UBN2: variants seen among roughly 807,000 people sequenced by gnomAD.
UBN2 encodes the protein ubinuclein-2.
In UBN2, 35 loss-of-function variants were observed where a neutral mutation model predicts 120.2. The ratio of observed to expected loss-of-function variants is 0.29; its 90% confidence interval spans 0.22 to 0.39. UBN2 has a LOEUF of 0.39. Ranked by LOEUF, UBN2 falls within the 10% of genes least tolerant of loss-of-function variation. UBN2 has a pLI of 1.00. For missense variants in UBN2, 1,693 were observed against 1,663.2 expected (o/e 1.02, Z -0.31); for synonymous variants, 661 against 648.7 (o/e 1.02, Z -0.29).
intron 8 of UBN2, 88 bp from the exon 9 acceptor site, chr7:139,272,220 CTATAATTGGTATCT>C (rs2131008893): frequency 1.3e-6 from 1 of 765,774 alleles, no homozygotes; most frequent in African/African-American, 1.8e-5. Context: ...TATTTCAAAT[CTATAATTGGTATCT>C]AAAACATAAA....
At chr7:139,296,567 A>G (rs912209166) in intron 17 of UBN2, among the ~76,000 whole-genome samples, 1 of 151,816 alleles carries the variant, frequency 6.6e-6, no homozygotes, top group Non-Finnish European at 1.5e-5. Context: ...CCTGTTGGAG[A>G]CTTTCTCCAT....
At chr7:139,266,312 T>C (rs377121006) in intron 6 of UBN2, 21 bp from the exon 7 acceptor site, 13 of 1,505,540 alleles carry the variant, frequency 8.6e-6, no homozygotes, top group South Asian at 8.3e-5. Context: ...TGATTTATTA[T>C]CATCTTTCTT....
downstream of UBN2, among the ~76,000 whole-genome samples, chr7:139,312,213 G>T (rs973413292): frequency 1.3e-5 from 2 of 152,102 alleles, no homozygotes; most frequent in African/African-American, 2.4e-5. Context: ...TAACTTTTTT[G>T]ATATGTGCCC....
At chr7:139,242,262 G>C (rs1189864031) in intron 2 of UBN2, among the ~76,000 whole-genome samples, 1 of 152,144 alleles carries the variant, frequency 6.6e-6, no homozygotes, top group East Asian at 1.9e-4. Flanking sequence ...TCTGGGAGTT[G>C]TAAGAATCAT....
rs761568122 is a variant in UBN2, at chr7:139,283,671, G to A, written c.2766G>A (p.Ser922=). 6.2e-6 allele frequency: 10 copies of A among 1,613,928 alleles called. No homozygotes were observed. Among genetic ancestry groups the A allele is most frequent in the African/African-American group, 2.7e-5 (2 of 74,882 alleles). ...CATCCGAGGCCCAAGATGCTTCTTC[G>A]TTAACACAAGTAACAAAGGTGCACC... The part of the protein sequence containing the change: ...LGTSEAQDAS[S]LTQVTKVHQH... Residue 922 remains serine (S), a synonymous_variant, in exon 15 of 18, where the codon TCG becomes TCA. Coordinates refer to ENST00000473989, the MANE Select transcript of UBN2 (RefSeq NM_173569.4).
the UBN2 span, among the ~76,000 whole-genome samples, chr7:139,324,432 T>G: frequency 6.6e-6 from 1 of 151,412 alleles, no homozygotes; most frequent in Non-Finnish European, 1.5e-5. Flanking sequence ...GGCAGGCCCC[T>G]GTAGTCCCAG....
At chr7:139,293,787 G>A (rs1798032286) in intron 16 of UBN2, 102 bp from the exon 17 acceptor site, 1 of 1,086,170 alleles carries the variant, frequency 9.2e-7, no homozygotes, top group Non-Finnish European at 1.4e-6. Context: ...GGCCTTCGAA[G>A]TCAGGTGCTG....
At chr7:139,321,003 G>C in the UBN2 span, among the ~76,000 whole-genome samples, 1 of 152,182 alleles carries the variant, frequency 6.6e-6, no homozygotes, top group Non-Finnish European at 1.5e-5. Flanking sequence ...TGAGACACCT[G>C]CAGTGCATCA....
At chr7:139,311,565 A>G (rs1798447212), downstream of UBN2, among the ~76,000 whole-genome samples, 1 of 152,230 alleles carries the variant, frequency 6.6e-6, no homozygotes, top group African/African-American at 2.4e-5. Flanking sequence ...GATTAGAGAC[A>G]AGGTATGGAA....
chr7:139,274,532 G>A (rs967259761), intron 11 of UBN2, among the ~76,000 whole-genome samples: 3 of 152,152 alleles, frequency 2.0e-5, no homozygotes, highest in Non-Finnish European at 4.4e-5. Context: ...GGAGGCCAAG[G>A]CAGGTGGATC....
chr7:139,311,084 A>G (rs536320625), downstream of UBN2, among the ~76,000 whole-genome samples: 13 of 152,348 alleles, frequency 8.5e-5, no homozygotes, highest in African/African-American at 2.6e-4. Context: ...TCCTATACAT[A>G]CAAAGCTTTG....
chr7:139,234,531 T>C (rs1249644929), intron 1 of UBN2, among the ~76,000 whole-genome samples: 3 of 152,216 alleles, frequency 2.0e-5, no homozygotes, highest in African/African-American at 4.8e-5. Context: ...TTATTGTCTC[T>C]AGGCAGTACA....
intron 15 of UBN2, among the ~76,000 whole-genome samples, chr7:139,290,446 G>A (rs75396164): frequency 0.012 from 1,894 of 152,278 alleles, 47 homozygotes; most frequent in African/African-American, 0.043. Flanking sequence ...GCAAATTTTG[G>A]TAAAAAAGAA....
At chr7:139,257,126 T>G (rs902513922) in intron 3 of UBN2, among the ~76,000 whole-genome samples, 70 of 152,362 alleles carry the variant, frequency 4.6e-4, no homozygotes, top group African/African-American at 1.7e-3. Context: ...AGTTCCTTTT[T>G]TCTTTCCTAC....
chr7:139,290,428 G>T (rs1198837308), intron 15 of UBN2, among the ~76,000 whole-genome samples: 1 of 152,210 alleles, frequency 6.6e-6, no homozygotes, highest in Non-Finnish European at 1.5e-5. Context: ...TTGTACTTAA[G>T]TGTAAGAGCA....
At chr7:139,239,255 T>C (rs1796247271) in intron 2 of UBN2, among the ~76,000 whole-genome samples, 1 of 152,162 alleles carries the variant, frequency 6.6e-6, no homozygotes, top group South Asian at 2.1e-4. Flanking sequence ...GGGGGGGTCA[T>C]ATCAGGACAA....
At chr7:139,313,602 A>G in the UBN2 span, among the ~76,000 whole-genome samples, 2 of 152,160 alleles carry the variant, frequency 1.3e-5, no homozygotes, top group Admixed American at 6.5e-5. Flanking sequence ...CTTTAATACT[A>G]TGCTAAACAG....
chr7:139,295,206 C>G (rs898454469), intron 17 of UBN2, among the ~76,000 whole-genome samples: 5 of 152,070 alleles, frequency 3.3e-5, no homozygotes, highest in African/African-American at 9.7e-5. Flanking sequence ...GCCATTAATC[C>G]TCTGAAAGAC....
rs1015664843 is a variant in UBN2 at position 139,306,846 on chromosome 7, C to G, written c.*9010C>G. The G allele has an allele frequency of 1.3e-5, 2 of 152,204 alleles. No individual in the cohort carries two copies. The highest frequency in any genetic ancestry group is 4.8e-5 in the African/African-American group (2 of 41,452). The allele number at this position is 152,204 out of a possible 1,614,324, so 9.4% of individuals were successfully genotyped here. A position where few individuals can be genotyped will look rare whatever the true frequency, so the allele number is the denominator to read the frequency against. ...CCCCAAATAATATATTAATCCAAGT[C>G]TACCAAGGTAACTAAGTAATGGATG... On this transcript the variant is annotated 3_prime_UTR_variant, in exon 18 of 18. Coordinates refer to ENST00000473989, the MANE Select transcript of UBN2 (RefSeq NM_173569.4).
Sources: gnomAD v4.1 joint callset for allele counts (sites outside exome capture counted in the v4.1 genomes callset) on GRCh38, gnomAD v4.1.1 for gene constraint, MANE v1.5 for transcripts, NCBI Gene and HGNC (gene_info 2026-07-23, HGNC 2026-07-21) for gene names.